MIPOL1: variants seen among roughly 807,000 people sequenced by gnomAD.
MIPOL1 encodes mirror-image polydactyly 1, also known as mirror-image polydactyly gene 1 protein.
In MIPOL1, 57 loss-of-function variants were observed where a neutral mutation model predicts 60.9. That is an observed-to-expected ratio of 0.94 (90% confidence interval 0.76 to 1.17). The LOEUF is 1.17. Ranked by LOEUF, MIPOL1 falls within the 50% of genes most tolerant of loss-of-function variation. The probability of loss-of-function intolerance (pLI) is 0.00; values close to 1 mark genes in which losing one functional copy is unlikely to be tolerated. For synonymous variants in MIPOL1, 179 were observed against 168.8 expected, an observed-to-expected ratio of 1.06 and a Z score of -0.47; for missense variants, 551 against 511.6, an observed-to-expected ratio of 1.08 and a Z score of -0.74.
intron 7 of MIPOL1, 83 bp from the exon 8 acceptor site, chr14:37,307,973 G>A (rs2086928363): frequency 8.9e-7 from 1 of 1,127,070 alleles, no homozygotes; most frequent in African/African-American, 1.6e-5. Flanking sequence ...ATTACTTGAG[G>A]TTCTAAAGAT....
intron 12 of MIPOL1, among the ~76,000 whole-genome samples, chr14:37,515,951 G>A (rs1338062774): frequency 1.3e-5 from 2 of 152,140 alleles, no homozygotes; most frequent in Non-Finnish European, 1.5e-5. Context: ...AAACCATGAG[G>A]AGAAGAGAAT....
chr14:37,362,580 C>G (rs971522424), intron 9 of MIPOL1, among the ~76,000 whole-genome samples: 13 of 152,198 alleles, frequency 8.5e-5, no homozygotes, highest in Admixed American at 3.9e-4. Context: ...CTGACAATTA[C>G]GTGTCTTGGG....
At chr14:37,200,820 AAATATAGATCCAT>A (rs1965124454) in intron 1 of MIPOL1, among the ~76,000 whole-genome samples, 1 of 149,530 alleles carries the variant, frequency 6.7e-6, no homozygotes, top group Non-Finnish European at 1.5e-5. Context: ...TATATTAGAG[AAATATAGATCCAT>A]AATACTATAT....
intron 9 of MIPOL1, among the ~76,000 whole-genome samples, chr14:37,322,354 C>G (rs2088668148): frequency 6.6e-6 from 1 of 151,910 alleles, no homozygotes; most frequent in Non-Finnish European, 1.5e-5. Context: ...ATTCATGTTC[C>G]CACCTCTCAA....
At chr14:37,499,883 T>TA in intron 11 of MIPOL1, 25 bp from the exon 12 acceptor site, 1 of 1,329,544 alleles carries the variant, frequency 7.5e-7, no homozygotes, top group South Asian at 1.4e-5. Flanking sequence ...TACTTATCTT[T>TA]AAATTTTTTT....
At chr14:37,552,306 A>G (rs992334777), downstream of MIPOL1, 4 of 152,204 alleles carry the variant, frequency 2.6e-5, no homozygotes, top group Non-Finnish European at 2.9e-5. Flanking sequence ...TAAAAAGTCA[A>G]TTATGTTTAA....
intron 1 of MIPOL1, among the ~76,000 whole-genome samples, chr14:37,233,544 G>A (rs977001390): frequency 1.7e-4 from 26 of 152,174 alleles, no homozygotes; most frequent in African/African-American, 6.0e-4. Context: ...AACCATGTCA[G>A]TGCGGTCATT....
chr14:37,370,892 C>T (rs1288845475), intron 10 of MIPOL1, among the ~76,000 whole-genome samples: 2 of 152,224 alleles, frequency 1.3e-5, no homozygotes, highest in Non-Finnish European at 1.5e-5. Context: ...ATTTGAAAAG[C>T]AGCTTCCATA....
intron 11 of MIPOL1, among the ~76,000 whole-genome samples, chr14:37,450,005 G>T (rs1354580786): frequency 6.6e-6 from 1 of 151,924 alleles, no homozygotes; most frequent in Non-Finnish European, 1.5e-5. Flanking sequence ...TAGAGACAGG[G>T]TTTCGCCATA....
intron 11 of MIPOL1, among the ~76,000 whole-genome samples, chr14:37,491,397 C>A (rs962170267): frequency 4.6e-5 from 7 of 152,188 alleles, no homozygotes; most frequent in Non-Finnish European, 2.9e-5. Context: ...GGTGTGGTGG[C>A]ATGTGCCTGT....
chr14:37,346,933 C>T (rs1219531567), intron 9 of MIPOL1, among the ~76,000 whole-genome samples: 2 of 152,120 alleles, frequency 1.3e-5, no homozygotes, highest in African/African-American at 4.8e-5. Flanking sequence ...AAGAGCCACA[C>T]CTGCTTCATA....
chr14:37,448,800 A>C (rs542499051), intron 11 of MIPOL1, among the ~76,000 whole-genome samples: 1 of 152,202 alleles, frequency 6.6e-6, no homozygotes, highest in Non-Finnish European at 1.5e-5. Context: ...AACAAAACAG[A>C]ATCTCAAATT....
At chr14:37,543,507 C>T (rs2095537410) in intron 12 of MIPOL1, among the ~76,000 whole-genome samples, 1 of 152,074 alleles carries the variant, frequency 6.6e-6, no homozygotes, top group Non-Finnish European at 1.5e-5. Context: ...GAACTCCTGG[C>T]CTCAAGTGAT....
intron 7 of MIPOL1, among the ~76,000 whole-genome samples, chr14:37,303,837 T>C (rs1471695520): frequency 6.6e-6 from 1 of 151,848 alleles, no homozygotes; most frequent in Non-Finnish European, 1.5e-5. Context: ...ACAGTTAATC[T>C]GAAGAATTTT....
intron 11 of MIPOL1, among the ~76,000 whole-genome samples, chr14:37,499,294 T>C (rs1199817249): frequency 6.6e-6 from 1 of 152,144 alleles, no homozygotes; most frequent in Non-Finnish European, 1.5e-5. Context: ...TCTGTATGAC[T>C]TAATGAGTAG....
At chr14:37,211,013 G>A (rs1319063213) in intron 1 of MIPOL1, among the ~76,000 whole-genome samples, 1 of 152,194 alleles carries the variant, frequency 6.6e-6, no homozygotes, top group Admixed American at 6.5e-5. Flanking sequence ...GAGGAAAGGT[G>A]AGTACAGCCA....
chr14:37,260,568 A>G (rs555730221), intron 3 of MIPOL1, among the ~76,000 whole-genome samples: 1 of 152,318 alleles, frequency 6.6e-6, no homozygotes, highest in East Asian at 1.9e-4. Context: ...TGAAAAACAC[A>G]TGAAACAGAA....
intron 10 of MIPOL1, among the ~76,000 whole-genome samples, chr14:37,402,908 T>C (rs1393816009): frequency 3.9e-5 from 6 of 152,180 alleles, no homozygotes; most frequent in African/African-American, 1.4e-4. Flanking sequence ...CTTGCTTCAG[T>C]AGTAGCCATG....
intron 11 of MIPOL1, among the ~76,000 whole-genome samples, chr14:37,479,206 A>T (rs868094437): frequency 1.3e-5 from 2 of 152,176 alleles, no homozygotes; most frequent in Non-Finnish European, 2.9e-5. Flanking sequence ...AGCTAAGAGA[A>T]ATACACAGAA....
Sources: gnomAD v4.1 joint callset for allele counts (sites outside exome capture counted in the v4.1 genomes callset) on GRCh38, gnomAD v4.1.1 for gene constraint, MANE v1.5 for transcripts, NCBI Gene and HGNC (gene_info 2026-07-23, HGNC 2026-07-21) for gene names.